The following DNER variants were observed in gnomAD, a reference collection of about 807,000 sequenced individuals.
The protein encoded by DNER is delta/notch like EGF repeat containing.
A neutral mutation model predicts 78.2 loss-of-function variants in DNER; 33 were observed. That is an observed-to-expected ratio of 0.42 (90% CI 0.32 to 0.56). The LOEUF (loss-of-function observed/expected upper bound fraction) is 0.56, where lower values mean the gene tolerates loss of function less well. Among genes scored for constraint, DNER ranks in the 20% least tolerant of loss-of-function variants. The pLI is 0.11. For synonymous variants in DNER, 417 were observed against 384.8 expected (o/e 1.08, Z -0.98); for missense variants, 918 against 975.3 (o/e 0.94, Z 0.78).
chr2:229,436,456 A>G (rs560572310), intron 8 of DNER, among the ~76,000 whole-genome samples: 95 of 152,314 alleles, frequency 6.2e-4, no homozygotes, highest in Non-Finnish European at 4.3e-4. Context: ...GAGAACACCT[A>G]TGAAATACTA....
intron 1 of DNER, among the ~76,000 whole-genome samples, chr2:229,674,855 C>T (rs948202850): frequency 3.9e-5 from 6 of 152,178 alleles, no homozygotes; most frequent in Admixed American, 1.3e-4. Flanking sequence ...TGCCCTGAGA[C>T]GTAAGGTCAT....
intron 1 of DNER, among the ~76,000 whole-genome samples, chr2:229,641,561 G>T (rs1698625351): frequency 8.1e-6 from 1 of 123,204 alleles, no homozygotes; most frequent in Non-Finnish European, 1.6e-5. Context: ...TCATACCCCA[G>T]ATCTGTGACC....
chr2:229,421,115 G>A (rs1353923210), intron 8 of DNER, among the ~76,000 whole-genome samples: 3 of 152,178 alleles, frequency 2.0e-5, no homozygotes, highest in African/African-American at 7.2e-5. Context: ...CTTGTCATGT[G>A]CTACAATATG....
Position 229,652,328 on chromosome 2 carries a change from A to T in DNER, c.277-60440T>A, listed in dbSNP as rs1455956968. 2.0e-5 allele frequency among the ~76,000 whole-genome samples: 3 copies of T among 152,208 alleles called. No individual in the cohort carries two copies. The East Asian group carries it at 5.8e-4, about 29-fold the overall frequency. On this transcript the variant is annotated intron_variant, in intron 1 of 12. Coordinates refer to ENST00000341772, the MANE Select transcript of DNER (RefSeq NM_139072.4). The stretch of plus-strand genomic sequence containing the variant: ...CCTTTGTAAAGTGAATGAGATCCCC[A>T]CCTGACAGATTTATTCTGCAAAATA...
intron 6 of DNER, among the ~76,000 whole-genome samples, chr2:229,481,710 C>T (rs1695161860): frequency 6.6e-6 from 1 of 152,204 alleles, no homozygotes; most frequent in Non-Finnish European, 1.5e-5. Context: ...TCAAACTCTT[C>T]TCTGGGGACT....
At chr2:229,708,602 AC>A (rs1056332119) in intron 1 of DNER, among the ~76,000 whole-genome samples, 3 of 152,138 alleles carry the variant, frequency 2.0e-5, no homozygotes, top group Non-Finnish European at 4.4e-5. Flanking sequence ...TAAAAATACA[AC>A]CCTGGCATTC....
intron 6 of DNER, 120 bp downstream of exon 6, chr2:229,512,663 A>G (rs1186446778): frequency 7.2e-7 from 1 of 1,384,144 alleles, no homozygotes; most frequent in African/African-American, 1.4e-5. Context: ...AATCACCAAA[A>G]AGAACTTACT....
chr2:229,380,556 T>C (rs1437469545), intron 11 of DNER, among the ~76,000 whole-genome samples: 1 of 152,212 alleles, frequency 6.6e-6, no homozygotes, highest in Non-Finnish European at 1.5e-5. Flanking sequence ...CTATGAAAGA[T>C]CAAATTGCCC....
chr2:229,482,599 T>A (rs189391513), intron 6 of DNER, among the ~76,000 whole-genome samples: 101 of 152,276 alleles, frequency 6.6e-4, no homozygotes, highest in Non-Finnish European at 1.0e-4. Context: ...TTTCATGCTG[T>A]GGCCTCAGGA....
chr2:229,528,825 C>A (rs140864067), intron 5 of DNER, among the ~76,000 whole-genome samples: 1 of 152,240 alleles, frequency 6.6e-6, no homozygotes. Flanking sequence ...ATCTAAATTC[C>A]AACCCTTACT....
At chr2:229,388,439 T>C (rs1465502140) in intron 10 of DNER, 43 bp from the exon 11 acceptor site, 23 of 1,541,160 alleles carry the variant, frequency 1.5e-5, no homozygotes, top group Non-Finnish European at 1.8e-5. Context: ...GCTGCACCCA[T>C]GGTTCCTGTC....
chr2:229,426,538 T>C (rs937388702), intron 8 of DNER, among the ~76,000 whole-genome samples: 1 of 151,396 alleles, frequency 6.6e-6, no homozygotes, highest in African/African-American at 2.4e-5. Flanking sequence ...CTAAACTCAC[T>C]GGTGGTCATA....
At chr2:229,362,017 G>A (rs1264778154) in intron 12 of DNER, among the ~76,000 whole-genome samples, 1 of 152,140 alleles carries the variant, frequency 6.6e-6, no homozygotes, top group Non-Finnish European at 1.5e-5. Flanking sequence ...AATGTCTGCT[G>A]ATGGTCCATG....
intron 4 of DNER, among the ~76,000 whole-genome samples, chr2:229,561,896 C>A (rs1696965718): frequency 6.6e-6 from 1 of 152,064 alleles, no homozygotes; most frequent in Admixed American, 6.6e-5. Flanking sequence ...ACCAGTGAGA[C>A]AAAGTACAGA....
At chr2:229,699,881 C>T (rs1699715983) in intron 1 of DNER, among the ~76,000 whole-genome samples, 2 of 151,988 alleles carry the variant, frequency 1.3e-5, no homozygotes, top group Admixed American at 6.6e-5. Flanking sequence ...TTATAAGCTT[C>T]TAAAGAGCAA....
intron 5 of DNER, among the ~76,000 whole-genome samples, chr2:229,525,081 G>GTGT (rs1696183695): frequency 6.6e-6 from 1 of 152,092 alleles, no homozygotes; most frequent in Non-Finnish European, 1.5e-5. Flanking sequence ...TCATTCCCAT[G>GTGT]GGGCTCTTTC....
chr2:229,599,991 A>G (rs1163156695), intron 1 of DNER, among the ~76,000 whole-genome samples: 4 of 152,218 alleles, frequency 2.6e-5, no homozygotes, highest in Non-Finnish European at 5.9e-5. Flanking sequence ...TGATTTGTCT[A>G]AGCAGCAGCA....
At chr2:229,470,373 C>G (rs991983030) in intron 7 of DNER, among the ~76,000 whole-genome samples, 3 of 152,076 alleles carry the variant, frequency 2.0e-5, no homozygotes, top group Non-Finnish European at 4.4e-5. Flanking sequence ...GAAGAGGGTC[C>G]TGGTCATTCA....
At chr2:229,445,244 C>T (rs983506097) in intron 8 of DNER, among the ~76,000 whole-genome samples, 1 of 152,196 alleles carries the variant, frequency 6.6e-6, no homozygotes, top group Non-Finnish European at 1.5e-5. Flanking sequence ...CCACAGGACA[C>T]GCAGCTCACA....
Sources: gnomAD v4.1 joint callset for allele counts (sites outside exome capture counted in the v4.1 genomes callset) on GRCh38, gnomAD v4.1.1 for gene constraint, MANE v1.5 for transcripts, NCBI Gene and HGNC (gene_info 2026-07-23, HGNC 2026-07-21) for gene names.